The following SLC2A9 variants were observed in gnomAD, a reference collection of about 807,000 sequenced individuals.
The protein encoded by SLC2A9 is solute carrier family 2, facilitated glucose transporter member 9.
SLC2A9 carries 39 observed loss-of-function variants against 50.6 expected under a neutral mutation model. The observed-to-expected ratio is 0.77, with a 90% CI of 0.60 to 1.01. The LOEUF is 1.01. SLC2A9 is among the 50% of genes least tolerant of loss of function. SLC2A9 has a pLI of 0.00. For synonymous variants in SLC2A9, 324 were observed against 276.9 expected, an observed-to-expected ratio of 1.17 and a Z score of -1.69; for missense variants, 686 against 677.6, an observed-to-expected ratio of 1.01 and a Z score of -0.14.
intron 10 of SLC2A9, among the ~76,000 whole-genome samples, chr4:9,844,530 C>T (rs1161554528): frequency 6.6e-6 from 1 of 152,166 alleles, no homozygotes; most frequent in Non-Finnish European, 1.5e-5. Context: ...AATAGTTATA[C>T]TTAGTTATGT....
chr4:9,987,986 C>T (rs1757030296), intron 3 of SLC2A9, among the ~76,000 whole-genome samples: 1 of 152,218 alleles, frequency 6.6e-6, no homozygotes, highest in African/African-American at 2.4e-5. Flanking sequence ...CTAGCGTTTC[C>T]CCCCTGGGGG....
At chr4:9,796,371 C>T (rs765067266), downstream of SLC2A9, among the ~76,000 whole-genome samples, 13 of 152,126 alleles carry the variant, frequency 8.5e-5, no homozygotes, top group Non-Finnish European at 1.8e-4. Flanking sequence ...TTCTAATGAA[C>T]ATAGGAGGCT....
chr4:9,918,626 G>C (rs566758115), intron 7 of SLC2A9, among the ~76,000 whole-genome samples: 62 of 152,336 alleles, frequency 4.1e-4, no homozygotes, highest in Non-Finnish European at 7.2e-4. Context: ...GCAGCCATGG[G>C]GACAGCTCCT....
At chr4:10,012,971 T>G (rs528955775) in intron 2 of SLC2A9, among the ~76,000 whole-genome samples, 54 of 152,230 alleles carry the variant, frequency 3.5e-4, no homozygotes, top group Non-Finnish European at 6.9e-4. Flanking sequence ...AAGGATCCCT[T>G]TGGCCTTTGG....
chr4:9,976,723 G>A (rs1234324686), intron 5 of SLC2A9, among the ~76,000 whole-genome samples: 1 of 152,232 alleles, frequency 6.6e-6, no homozygotes, highest in African/African-American at 2.4e-5. Flanking sequence ...ATGGGCAGCT[G>A]TGCCCCTTGG....
At chr4:9,939,232 A>G (rs999467663) in intron 6 of SLC2A9, among the ~76,000 whole-genome samples, 22 of 152,180 alleles carry the variant, frequency 1.4e-4, no homozygotes, top group African/African-American at 5.1e-4. Context: ...ACCAACAGAC[A>G]TGCGAGTGAA....
At position 10,021,391 on chromosome 4, in the gene SLC2A9, G is replaced by A. The variant is rs372879673; in HGVS notation, c.39C>T (p.Gly13=). The change falls in exon 1 of 12, where the codon GGC becomes GGT. Residue 13 remains glycine, a synonymous_variant. Transcript: ENST00000264784. ...TGGTGTCATCTGTGAGGGGAACTAGGCCCAGTTCCTTGGAATTCCTATTTT... is the reference window on the plus strand; with the variant it reads ...TGGTGTCATCTGTGAGGGGAACTAGACCCAGTTCCTTGGAATTCCTATTTT... ...RKQNRNSKEL[G]LVPLTDDTSH... is the part of the protein sequence containing the mutation. 6.7e-5 allele frequency: 108 copies of A among 1,614,096 alleles called. No individual in the cohort carries two copies. The highest frequency in any genetic ancestry group is 8.7e-5 in the Non-Finnish European group (103 of 1,180,022).
At chr4:9,799,996 T>C (rs141072456) in intron 3 of SLC2A9, among the ~76,000 whole-genome samples, 1,877 of 152,254 alleles carry the variant, frequency 0.012, 41 homozygotes, top group African/African-American at 0.043. Context: ...ATGGGGAAAC[T>C]GAACATTAGT....
chr4:9,999,847 G>A (rs554040295), intron 2 of SLC2A9, among the ~76,000 whole-genome samples: 1 of 152,304 alleles, frequency 6.6e-6, no homozygotes, highest in Admixed American at 6.5e-5. Context: ...CACTGCAGTG[G>A]TCCAAAGATC....
At chr4:9,910,361 C>A (rs977592152) in intron 7 of SLC2A9, among the ~76,000 whole-genome samples, 1 of 152,184 alleles carries the variant, frequency 6.6e-6, no homozygotes, top group Non-Finnish European at 1.5e-5. Context: ...ATAACATTAT[C>A]CTGAAAACTC....
intron 6 of SLC2A9, among the ~76,000 whole-genome samples, chr4:9,921,457 C>T (rs1264089992): frequency 6.6e-6 from 1 of 152,238 alleles, no homozygotes; most frequent in African/African-American, 2.4e-5. Flanking sequence ...CTTTCTTCCT[C>T]CCACAGGGAA....
intron 3 of SLC2A9, among the ~76,000 whole-genome samples, chr4:9,802,447 G>A (rs1369611609): frequency 6.6e-6 from 1 of 151,920 alleles, no homozygotes; most frequent in Non-Finnish European, 1.5e-5. Context: ...AGGGCTCTGT[G>A]GCCGATATGA....
intron 10 of SLC2A9, among the ~76,000 whole-genome samples, chr4:9,845,293 G>A (rs1448296742): frequency 1.3e-5 from 2 of 151,826 alleles, no homozygotes; most frequent in African/African-American, 4.8e-5. Flanking sequence ...GATTACAGGC[G>A]TGAGCCACCA....
chr4:9,965,912 AT>A (rs959921904), intron 5 of SLC2A9, among the ~76,000 whole-genome samples: 2 of 152,222 alleles, frequency 1.3e-5, no homozygotes, highest in African/African-American at 2.4e-5. Flanking sequence ...TATTCAAAGC[AT>A]TTTTTTCCCC....
chr4:9,931,952 C>CAA (rs1367492416), intron 6 of SLC2A9, among the ~76,000 whole-genome samples: 3 of 57,242 alleles, frequency 5.2e-5, no homozygotes, highest in African/African-American at 3.1e-4. Flanking sequence ...CTCTCTCTCT[C>CAA]TCTCTCTCTC....
At chr4:9,926,381 T>C (rs1744912222) in intron 6 of SLC2A9, among the ~76,000 whole-genome samples, 1 of 149,306 alleles carries the variant, frequency 6.7e-6, no homozygotes, top group Admixed American at 6.8e-5. Context: ...AAATCCTGGC[T>C]GCACCATTTT....
chr4:9,978,674 G>A (rs1262816629), intron 5 of SLC2A9, among the ~76,000 whole-genome samples: 2 of 152,156 alleles, frequency 1.3e-5, no homozygotes, highest in Non-Finnish European at 2.9e-5. Flanking sequence ...TATAGAAATC[G>A]TCATGCATAT....
At chr4:10,017,229 A>G (rs1018628512) in intron 2 of SLC2A9, among the ~76,000 whole-genome samples, 17 of 152,100 alleles carry the variant, frequency 1.1e-4, no homozygotes, top group African/African-American at 3.1e-4. Flanking sequence ...CAGTGCTTGA[A>G]CCCATATCAT....
At chr4:9,811,958 G>T (rs1441746534) in intron 3 of SLC2A9, among the ~76,000 whole-genome samples, 1 of 152,196 alleles carries the variant, frequency 6.6e-6, no homozygotes, top group Non-Finnish European at 1.5e-5. Flanking sequence ...CCTGAATCCA[G>T]ACAAGACACG....
Sources: gnomAD v4.1 joint callset for allele counts (sites outside exome capture counted in the v4.1 genomes callset) on GRCh38, gnomAD v4.1.1 for gene constraint, MANE v1.5 for transcripts, NCBI Gene and HGNC (gene_info 2026-07-23, HGNC 2026-07-21) for gene names.